The following ART1 variants were observed in gnomAD, a reference collection of about 807,000 sequenced individuals.
The protein encoded by ART1 is GPI-linked NAD(P)(+)--arginine ADP-ribosyltransferase 1.
Under a neutral mutation model 27.0 loss-of-function variants are expected in ART1, and 29 were observed. That is an observed-to-expected ratio of 1.08 (90% CI 0.80 to 1.47). ART1 has a LOEUF of 1.47. Among genes scored for constraint, ART1 ranks in the 40% most tolerant of loss-of-function variants. ART1 has a pLI of 0.00. For synonymous variants in ART1, 201 were observed against 172.2 expected, an observed-to-expected ratio of 1.17 and a Z score of -1.31; for missense variants, 480 against 423.0, an observed-to-expected ratio of 1.13 and a Z score of -1.18.
intron 3 of ART1, among the ~76,000 whole-genome samples, 172 bp downstream of exon 3, chr11:3,660,535 G>A (rs61878557): frequency 6.6e-6 from 1 of 152,180 alleles, no homozygotes; most frequent in Admixed American, 6.5e-5. Context: ...ACCTTCTGAG[G>A]GGTGCACTTA....
At position 3,659,606 on chromosome 11, in the gene ART1, A is replaced by G. The variant is rs755973140; in HGVS notation, c.87A>G (p.Arg29=). Residue 29 remains arginine (R), a synonymous_variant, in exon 3 of 5, where the codon CGA becomes CGG. Coordinates refer to ENST00000250693, the MANE Select transcript of ART1 (RefSeq NM_004314.3). ...ALQAQSHPIT[R]RDLFSQEIQL... is the part of the protein sequence containing the mutation. ...AGGCCCAGAGCCACCCCATCACACG[A>G]CGAGACCTCTTCTCTCAAGAGATTC... is the stretch of plus-strand genomic sequence containing the variant. 6.2e-7 allele frequency: 1 copy of G among 1,608,254 alleles called. No individual in the cohort carries two copies. The highest frequency in any genetic ancestry group is 1.7e-4 in the Middle Eastern group (1 of 6,048).
intron 3 of ART1, 86 bp downstream of exon 3, chr11:3,660,449 C>T (rs1356009371): frequency 7.0e-7 from 1 of 1,433,586 alleles, no homozygotes; most frequent in African/African-American, 1.4e-5. Flanking sequence ...AAGCCCCTAT[C>T]TCCTGTGTCC....
intron 1 of ART1, among the ~76,000 whole-genome samples, chr11:3,650,154 C>G (rs1202376910): frequency 6.6e-6 from 1 of 152,226 alleles, no homozygotes; most frequent in African/African-American, 2.4e-5. Flanking sequence ...TTCCACACGC[C>G]TGAACTGCAG....
chr11:3,650,425 TGCCTCGGAA>T (rs1010224950), intron 1 of ART1, among the ~76,000 whole-genome samples: 5 of 152,230 alleles, frequency 3.3e-5, no homozygotes, highest in Non-Finnish European at 7.3e-5. Context: ...ATTCCCCGAT[TGCCTCGGAA>T]GCCCCCTAGA....
intron 2 of ART1, 32 bp downstream of exon 2, chr11:3,659,308 C>A (rs1188708468): frequency 6.2e-7 from 1 of 1,613,724 alleles, no homozygotes. Flanking sequence ...CCCACCCCAG[C>A]AGGGAACTGA....
intron 4 of ART1, among the ~76,000 whole-genome samples, chr11:3,663,028 A>C: frequency 8.5e-6 from 1 of 116,968 alleles, no homozygotes; most frequent in Non-Finnish European, 1.7e-5. Context: ...ATCTCATCTC[A>C]TCTCATCATC....
chr11:3,660,376 G>A lies in ART1; in HGVS notation c.844+13G>A, dbSNP rs370145785. 1.9e-6 allele frequency: 3 copies of A among 1,589,902 alleles called. No individual in the cohort carries two copies. The African/African-American group carries it at 4.0e-5, about 21-fold the overall frequency. On this transcript the variant is annotated intron_variant, in intron 3 of 4. Coordinates refer to ENST00000250693, the MANE Select transcript of ART1 (RefSeq NM_004314.3). ...GAGTACATCAAAGGTAGGAGGGCAA[G>A]CGCTGGTCGGCACCTGTGCGGAAGG...
In ART1 at chr11:3,650,038, A is replaced by G. The variant is rs547335939; in HGVS notation, c.-53+4859A>G. Among the ~76,000 whole-genome samples, 668 of 152,342 alleles carry G rather than the reference A, an allele frequency of 4.4e-3. 6 individuals carry two copies. The highest frequency in any genetic ancestry group is 0.015 in the African/African-American group (633 of 41,572). The stretch of plus-strand genomic sequence containing the variant: ...ACTTAATTAACCTCACCTTCAAGGT[A>G]TACAATAATAGAATAGAGGCAGCCA... On this transcript the variant is annotated intron_variant, in intron 1 of 4. Transcript: ENST00000250693.
chr11:3,663,102 ATCTCATCTCATCTCATCTCATCTCATC>A (rs2077634862), intron 4 of ART1, among the ~76,000 whole-genome samples: 2 of 106,114 alleles, frequency 1.9e-5, no homozygotes, highest in South Asian at 4.1e-4. Flanking sequence ...ATCTCATCTC[ATCTCATCTCATCTCATCTCATCTCATC>A]TCATCTCATC....
intron 1 of ART1, among the ~76,000 whole-genome samples, chr11:3,651,074 A>G (rs967229131): frequency 1.4e-4 from 22 of 152,056 alleles, no homozygotes; most frequent in African/African-American, 4.6e-4. Flanking sequence ...GTTAGTTCAG[A>G]ATCCGCGCCT....
chr11:3,649,276 G>C (rs1290895542), intron 1 of ART1, among the ~76,000 whole-genome samples: 1 of 152,102 alleles, frequency 6.6e-6, no homozygotes, highest in Non-Finnish European at 1.5e-5. Flanking sequence ...TCTTCTGCAA[G>C]GCTGCTTGAC....
chr11:3,646,293 G>A (rs968774207), intron 1 of ART1, among the ~76,000 whole-genome samples: 1 of 152,114 alleles, frequency 6.6e-6, no homozygotes, highest in South Asian at 2.1e-4. Context: ...GGGCAAACCT[G>A]AGCCAGGGCA....
chr11:3,658,393 C>A (rs1008998442), intron 1 of ART1, among the ~76,000 whole-genome samples: 1 of 151,906 alleles, frequency 6.6e-6, no homozygotes, highest in Non-Finnish European at 1.5e-5. Context: ...CCAATCCAGA[C>A]CCAATGCCTG....
At chr11:3,647,174 T>C (rs2077474860) in intron 1 of ART1, among the ~76,000 whole-genome samples, 1 of 151,710 alleles carries the variant, frequency 6.6e-6, no homozygotes, top group Non-Finnish European at 1.5e-5. Flanking sequence ...AAATATAAAA[T>C]TAGCCAGGCA....
chr11:3,652,052 C>A (rs2077526773), intron 1 of ART1, among the ~76,000 whole-genome samples: 1 of 151,652 alleles, frequency 6.6e-6, no homozygotes, highest in African/African-American at 2.4e-5. Flanking sequence ...GAAATAACTT[C>A]TCAGTGTTCC....
Position 3,649,990 on chromosome 11 carries a change from C to T in ART1, c.-53+4811C>T, listed in dbSNP as rs192174820. On this transcript the variant is annotated intron_variant, in intron 1 of 4. Coordinates refer to ENST00000250693, the MANE Select transcript of ART1 (RefSeq NM_004314.3). Reference sequence around the variant, plus strand: ...AAATAAAACTCCAAAAATTAAATTCCGGCCCTTAAACCCCACAACAGGACT... The same window carrying T: ...AAATAAAACTCCAAAAATTAAATTCTGGCCCTTAAACCCCACAACAGGACT... Among the ~76,000 whole-genome samples, 24 of 152,214 alleles carry T rather than the reference C, an allele frequency of 1.6e-4. No individual in the cohort carries two copies. In the East Asian group the frequency reaches 3.1e-3, roughly 20 times the overall value.
chr11:3,645,433 G>T (rs1254512642), intron 1 of ART1, among the ~76,000 whole-genome samples: 1 of 152,116 alleles, frequency 6.6e-6, no homozygotes, highest in Non-Finnish European at 1.5e-5. Flanking sequence ...GAATTGCTCC[G>T]AGCAGGATGA....
intron 1 of ART1, among the ~76,000 whole-genome samples, chr11:3,651,107 A>C (rs2077518584): frequency 1.3e-5 from 2 of 151,920 alleles, no homozygotes; most frequent in South Asian, 2.1e-4. Context: ...TGTTTTGCCT[A>C]TCCACCCTGT....
chr11:3,651,154 TC>T (rs1203207017), intron 1 of ART1, among the ~76,000 whole-genome samples: 2 of 149,296 alleles, frequency 1.3e-5, no homozygotes, highest in Non-Finnish European at 3.0e-5. Context: ...CCTCAATTCC[TC>T]CCTCTACAAC....
Sources: gnomAD v4.1 joint callset for allele counts (sites outside exome capture counted in the v4.1 genomes callset) on GRCh38, gnomAD v4.1.1 for gene constraint, MANE v1.5 for transcripts, NCBI Gene and HGNC (gene_info 2026-07-23, HGNC 2026-07-21) for gene names.